The following STARD13 variants were observed in gnomAD, a reference collection of about 807,000 sequenced individuals.
STARD13 encodes the protein stAR-related lipid transfer protein 13.
Under a neutral mutation model 106.4 loss-of-function variants are expected in STARD13, and 62 were observed. The ratio of observed to expected loss-of-function variants is 0.58; its 90% CI spans 0.48 to 0.72. STARD13 has a LOEUF of 0.72. Among genes scored for constraint, STARD13 ranks in the 30% least tolerant of loss-of-function variants. The probability of loss-of-function intolerance (pLI) is 0.00; values close to 1 mark genes in which losing one functional copy is unlikely to be tolerated. For synonymous variants in STARD13, 565 were observed against 553.0 expected (o/e 1.02, Z -0.31); for missense variants, 1,387 against 1,424.0 (o/e 0.97, Z 0.42).
the STARD13 span, among the ~76,000 whole-genome samples, chr13:33,378,067 A>C: frequency 6.6e-6 from 1 of 152,118 alleles, no homozygotes; most frequent in Non-Finnish European, 1.5e-5. Flanking sequence ...CAATTGAGCC[A>C]AGTTTATTTT....
At chr13:33,364,597 G>C in the STARD13 span, among the ~76,000 whole-genome samples, 1 of 152,116 alleles carries the variant, frequency 6.6e-6, no homozygotes, top group Non-Finnish European at 1.5e-5. Context: ...TAACGATTAA[G>C]AAAAAGAGGA....
At chr13:33,427,902 CT>C in the STARD13 span, among the ~76,000 whole-genome samples, 30 of 149,620 alleles carry the variant, frequency 2.0e-4, no homozygotes, top group East Asian at 5.3e-3. Context: ...TTGTGGTGAG[CT>C]GAGATCGTGC....
chr13:33,425,264 G>T, the STARD13 span, among the ~76,000 whole-genome samples: 4 of 152,164 alleles, frequency 2.6e-5, no homozygotes, highest in Non-Finnish European at 5.9e-5. Flanking sequence ...CCACCAACAA[G>T]CATAGTGTCC....
At chr13:33,415,967 A>G in the STARD13 span, among the ~76,000 whole-genome samples, 2 of 152,240 alleles carry the variant, frequency 1.3e-5, no homozygotes, top group East Asian at 3.8e-4. Flanking sequence ...ATAAATCTCC[A>G]GGAAATTTAT....
intron 1 of STARD13, among the ~76,000 whole-genome samples, chr13:33,182,868 T>C (rs190850949): frequency 6.6e-6 from 1 of 152,338 alleles, no homozygotes; most frequent in African/African-American, 2.4e-5. Flanking sequence ...CAGAATAAAG[T>C]ACCAGCCCAT....
chr13:33,619,942 A>G, the STARD13 span, among the ~76,000 whole-genome samples: 1 of 152,096 alleles, frequency 6.6e-6, no homozygotes, highest in South Asian at 2.1e-4. Context: ...TGCACAGCTC[A>G]CCTACCCAAG....
At chr13:33,320,772 A>G (rs1893530048) in intron 1 of STARD13, among the ~76,000 whole-genome samples, 1 of 152,188 alleles carries the variant, frequency 6.6e-6, no homozygotes, top group African/African-American at 2.4e-5. Context: ...GGAATCTGAG[A>G]CCAGCTTGGG....
downstream of STARD13, among the ~76,000 whole-genome samples, chr13:33,345,136 T>C (rs2078004515): frequency 3.3e-5 from 5 of 152,328 alleles, no homozygotes; most frequent in South Asian, 1.0e-3. Context: ...AGCATCTCAT[T>C]CTTGTAGCTC....
Position 33,241,465 on chromosome 13 carries a change from C to A in STARD13, c.169+44005G>T, listed in dbSNP as rs556376968. Among the ~76,000 whole-genome samples the A allele has an allele frequency of 2.0e-5, 3 of 152,158 alleles. No homozygotes were observed. In the South Asian group the frequency reaches 6.2e-4, roughly 32 times the overall value. On this transcript the variant is annotated intron_variant, in intron 1 of 13. Coordinates refer to ENST00000336934, the MANE Select transcript of STARD13 (RefSeq NM_178006.4). ...TGATAAAGCAGTTTTAGTTCTGAAT[C>A]AAAGGTATTTTTCTAGGCAATTTCA...
At chr13:33,671,455 G>A in the STARD13 span, among the ~76,000 whole-genome samples, 1 of 152,194 alleles carries the variant, frequency 6.6e-6, no homozygotes, top group Admixed American at 6.5e-5. Context: ...TCCTAAAATA[G>A]GATGGTCGTG....
At chr13:33,594,518 A>G in the STARD13 span, among the ~76,000 whole-genome samples, 1 of 152,200 alleles carries the variant, frequency 6.6e-6, no homozygotes, top group Non-Finnish European at 1.5e-5. Context: ...TTGTGGTAAA[A>G]TATACATAAC....
upstream of STARD13, among the ~76,000 whole-genome samples, chr13:33,289,234 C>T (rs1045924494): frequency 9.2e-5 from 14 of 152,132 alleles, no homozygotes; most frequent in African/African-American, 3.1e-4. Context: ...ACTTTTCTTC[C>T]CTCCTAATCT....
At chr13:33,514,363 C>T in the STARD13 span, among the ~76,000 whole-genome samples, 1 of 152,046 alleles carries the variant, frequency 6.6e-6, no homozygotes, top group Admixed American at 6.6e-5. Flanking sequence ...GATCTAAAGA[C>T]ACTCAGGGAA....
At chr13:33,201,501 C>T (rs1173612754) in intron 1 of STARD13, among the ~76,000 whole-genome samples, 1 of 152,198 alleles carries the variant, frequency 6.6e-6, no homozygotes, top group Non-Finnish European at 1.5e-5. Flanking sequence ...AAAACTTCCA[C>T]AATTTACATA....
At chr13:33,223,836 T>C (rs565445850) in intron 1 of STARD13, among the ~76,000 whole-genome samples, 1 of 152,308 alleles carries the variant, frequency 6.6e-6, no homozygotes, top group East Asian at 1.9e-4. Context: ...ATAATATTTA[T>C]GTCATATGGT....
At chr13:33,282,260 TCTC>T (rs1362657331) in intron 1 of STARD13, among the ~76,000 whole-genome samples, 2 of 152,046 alleles carry the variant, frequency 1.3e-5, no homozygotes, top group East Asian at 1.9e-4. Context: ...CTTTTAAACA[TCTC>T]CTCTCTTTTG....
chr13:33,389,113 G>A, the STARD13 span, among the ~76,000 whole-genome samples: 3 of 151,844 alleles, frequency 2.0e-5, no homozygotes, highest in South Asian at 4.2e-4. Flanking sequence ...CAACCACCAC[G>A]TCTGGCTAAT....
chr13:33,404,505 T>A, the STARD13 span, among the ~76,000 whole-genome samples: 1 of 152,174 alleles, frequency 6.6e-6, no homozygotes, highest in East Asian at 1.9e-4. Flanking sequence ...GGCTGGTGAC[T>A]TGGAATAAGT....
chr13:33,146,272 C>T (rs376959361), intron 3 of STARD13, among the ~76,000 whole-genome samples: 6 of 151,808 alleles, frequency 4.0e-5, no homozygotes, highest in South Asian at 2.1e-4. Flanking sequence ...TGCAGCGAGC[C>T]GAGATTGCAC....
Sources: gnomAD v4.1 joint callset for allele counts (sites outside exome capture counted in the v4.1 genomes callset) on GRCh38, gnomAD v4.1.1 for gene constraint, MANE v1.5 for transcripts, NCBI Gene and HGNC (gene_info 2026-07-23, HGNC 2026-07-21) for gene names.